LARGE1: variants seen among roughly 807,000 people sequenced by gnomAD.
LARGE1 encodes LARGE xylosyl- and glucuronyltransferase 1.
LARGE1 carries 43 observed loss-of-function variants against 87.6 expected under a neutral mutation model. That is an observed-to-expected ratio of 0.49 (90% CI 0.38 to 0.63). The LOEUF (loss-of-function observed/expected upper bound fraction) is 0.63, where lower values mean the gene tolerates loss of function less well. Ranked by LOEUF, LARGE1 falls within the 30% of genes least tolerant of loss-of-function variation. LARGE1 has a pLI of 0.00. For synonymous variants in LARGE1, 434 were observed against 394.6 expected, an observed-to-expected ratio of 1.10 and a Z score of -1.18; for missense variants, 802 against 1,000.2, an observed-to-expected ratio of 0.80 and a Z score of 2.67.
In LARGE1 at chr22:33,474,351, TG is replaced by T. The variant is rs776800178; in HGVS notation, c.788-42087del. On this transcript the variant is annotated intron_variant, in intron 6 of 14. Coordinates refer to ENST00000397394, the MANE Select transcript of LARGE1 (RefSeq NM_133642.5). ...GCTAATTTTCTGTTCTTAGTAGAAA[TG>T]GGGTTTCACCATTTTGGTCAGGCTG... is the stretch of plus-strand genomic sequence containing the variant. Among the ~76,000 whole-genome samples, 9 of 152,248 alleles carry T rather than the reference TG, an allele frequency of 5.9e-5. No homozygotes were observed. In the South Asian group the frequency reaches 1.7e-3, roughly 28 times the overall value.
chr22:33,617,280 C>G (rs1179779418), intron 4 of LARGE1, among the ~76,000 whole-genome samples: 1 of 152,210 alleles, frequency 6.6e-6, no homozygotes, highest in African/African-American at 2.4e-5. Flanking sequence ...ACTTCTGAGC[C>G]TTATTTCACA....
At chr22:33,256,966 G>T (rs1927317992) in intron 11 of LARGE1, among the ~76,000 whole-genome samples, 1 of 152,198 alleles carries the variant, frequency 6.6e-6, no homozygotes, top group Non-Finnish European at 1.5e-5. Context: ...AGCACTTCGG[G>T]AGGCCAAGGC....
At chr22:33,119,102 G>T in the LARGE1 span, among the ~76,000 whole-genome samples, 2 of 152,178 alleles carry the variant, frequency 1.3e-5, no homozygotes, top group Non-Finnish European at 2.9e-5. Context: ...GAGGTCTCTC[G>T]AGAGTTTTGC....
intron 6 of LARGE1, among the ~76,000 whole-genome samples, chr22:33,451,627 C>T (rs1197906775): frequency 3.3e-5 from 5 of 150,572 alleles, no homozygotes; most frequent in South Asian, 2.1e-4. Flanking sequence ...GGCATGATCT[C>T]GGCTCACTGC....
At chr22:33,709,141 G>A (rs781139200) in intron 2 of LARGE1, among the ~76,000 whole-genome samples, 5 of 152,166 alleles carry the variant, frequency 3.3e-5, no homozygotes, top group Non-Finnish European at 7.3e-5. Flanking sequence ...TTCGGACATG[G>A]AGGGGCGCAA....
chr22:33,849,592 C>CT (rs71187287), intron 1 of LARGE1, among the ~76,000 whole-genome samples: 15,921 of 88,320 alleles, frequency 0.18, 1,849 homozygotes, highest in African/African-American at 0.21. Context: ...CTTTTCTTCT[C>CT]TTTTTTTTTT....
At chr22:33,167,987 C>G (rs1922363745) in intron 11 of LARGE1, among the ~76,000 whole-genome samples, 1 of 152,140 alleles carries the variant, frequency 6.6e-6, no homozygotes, top group South Asian at 2.1e-4. Flanking sequence ...GGAAACTGCC[C>G]CTCTCACAAC....
At chr22:33,504,515 C>T (rs2070671784) in intron 6 of LARGE1, among the ~76,000 whole-genome samples, 2 of 152,180 alleles carry the variant, frequency 1.3e-5, no homozygotes, top group Admixed American at 1.3e-4. Flanking sequence ...CCGCCTCGGC[C>T]TCCCAAGGTA....
chr22:33,624,719 A>T lies in LARGE1; in HGVS notation c.491+1525T>A, dbSNP rs535954751. On this transcript the variant is annotated intron_variant, in intron 4 of 14. Transcript: ENST00000397394. ...GTTTGATTTCCACCCCTTGACAAGG[A>T]GAAGCCGCTAAAAGGTTTTGAGAAA... Among the ~76,000 whole-genome samples the T allele has an allele frequency of 2.2e-4, 33 of 151,774 alleles. No homozygotes were observed. The South Asian group carries it at 4.6e-3, about 21-fold the overall frequency.
chr22:33,214,498 C>T (rs1218060067), intron 11 of LARGE1, among the ~76,000 whole-genome samples: 1 of 151,950 alleles, frequency 6.6e-6, no homozygotes, highest in Non-Finnish European at 1.5e-5. Flanking sequence ...AAAAAAATTC[C>T]TCTCCTTTCT....
chr22:33,464,340 G>T (rs185043568), intron 6 of LARGE1, among the ~76,000 whole-genome samples: 1 of 151,932 alleles, frequency 6.6e-6, no homozygotes, highest in Non-Finnish European at 1.5e-5. Flanking sequence ...TTCATAAGTC[G>T]AATCCAAAAA....
At chr22:33,522,694 G>A (rs368311922) in intron 6 of LARGE1, among the ~76,000 whole-genome samples, 271 of 152,182 alleles carry the variant, frequency 1.8e-3, no homozygotes, top group African/African-American at 6.1e-3. Flanking sequence ...AGCTGGGCGT[G>A]GTGGCATGCA....
the LARGE1 span, among the ~76,000 whole-genome samples, chr22:33,104,003 G>GT: frequency 6.6e-6 from 1 of 152,254 alleles, no homozygotes; most frequent in East Asian, 1.9e-4. Flanking sequence ...ACATGGAACC[G>GT]TGAGTCCATT....
chr22:33,300,158 G>A (rs183005311), intron 12 of LARGE1, among the ~76,000 whole-genome samples: 7 of 152,180 alleles, frequency 4.6e-5, no homozygotes, highest in Admixed American at 2.0e-4. Context: ...TGGCCCCTTC[G>A]ACAGAGTGAG....
chr22:33,751,500 A>G (rs543755417), intron 2 of LARGE1, among the ~76,000 whole-genome samples: 138 of 152,024 alleles, frequency 9.1e-4, no homozygotes, highest in Admixed American at 2.3e-3. Flanking sequence ...AAAAAAAACA[A>G]AAACAAACAA....
intron 3 of LARGE1, among the ~76,000 whole-genome samples, chr22:33,634,400 A>G (rs1449638839): frequency 2.0e-5 from 3 of 152,204 alleles, no homozygotes; most frequent in Non-Finnish European, 4.4e-5. Context: ...CTGCTCTAGC[A>G]GAAGCACTTG....
In LARGE1 at chr22:33,564,740, C is replaced by T. The variant is rs1475854227; in HGVS notation, c.787+108G>A. On this transcript the variant is annotated intron_variant, in intron 6 of 14. Coordinates refer to ENST00000397394, the MANE Select transcript of LARGE1 (RefSeq NM_133642.5). The stretch of plus-strand genomic sequence containing the variant: ...TGTAATTCCTCACCCACTGCATTAG[C>T]ACGACCTCATTCGAGGAGACCTCAC... 2.7e-6 allele frequency: 3 copies of T among 1,115,454 alleles called. No homozygotes were observed. The African/African-American group carries it at 4.6e-5, about 17-fold the overall frequency. 69.1% of individuals were successfully genotyped at this position (1,115,454 alleles called of 1,614,324 possible).
chr22:33,071,977 G>A, the LARGE1 span, among the ~76,000 whole-genome samples: 1 of 147,630 alleles, frequency 6.8e-6, no homozygotes, highest in Admixed American at 6.8e-5. Flanking sequence ...ATCTTGTTTT[G>A]ATCCCCTAAA....
intron 1 of LARGE1, among the ~76,000 whole-genome samples, chr22:33,828,489 T>C (rs549010592): frequency 6.6e-6 from 1 of 152,326 alleles, no homozygotes; most frequent in Non-Finnish European, 1.5e-5. Flanking sequence ...CAGCAGCTTG[T>C]GGGAAGGAAG....
Sources: allele counts gnomAD v4.1 joint callset (sites outside exome capture counted in the v4.1 genomes callset), GRCh38; gene constraint gnomAD v4.1.1; transcripts MANE v1.5; gene names NCBI Gene and HGNC (gene_info 2026-07-23, HGNC 2026-07-21).